DNAH9: variants seen among roughly 807,000 people sequenced by gnomAD.
DNAH9 encodes DNAH9 variant protein.
Under a neutral mutation model 471.6 loss-of-function variants are expected in DNAH9, and 345 were observed. The observed-to-expected ratio is 0.73, with a 90% CI of 0.67 to 0.80. The LOEUF (loss-of-function observed/expected upper bound fraction) is 0.80, where lower values mean the gene tolerates loss of function less well. Ranked by LOEUF, DNAH9 falls within the 30% of genes least tolerant of loss-of-function variation. DNAH9 has a pLI of 0.00. For synonymous variants in DNAH9, 2,093 were observed against 2,123.6 expected (o/e 0.99, Z 0.40); for missense variants, 5,407 against 5,609.2 (o/e 0.96, Z 1.15).
At chr17:11,672,190 A>G (rs762466885) in intron 17 of DNAH9, among the ~76,000 whole-genome samples, 26 of 152,096 alleles carry the variant, frequency 1.7e-4, no homozygotes, top group Non-Finnish European at 3.4e-4. Context: ...ACCCCCTTTT[A>G]TTACGTAAAT....
intron 60 of DNAH9, among the ~76,000 whole-genome samples, chr17:11,904,630 C>CAAAAAAAAAAAA (rs202059757): frequency 1.5e-4 from 17 of 111,460 alleles, no homozygotes; most frequent in Non-Finnish European, 1.8e-4. Flanking sequence ...GACTCCATCT[C>CAAAAAAAAAAAA]AAAAAAAAAA....
rs760609171 is a variant in DNAH9, at chr17:11,793,578, C to T, written c.8137C>T (p.Arg2713Ter). ...LIRLYLHESNRVYRDKMVEEK... is the reference protein window; with the variant it reads ...LIRLYLHESN ...AAGGCTCTATCTGCATGAATCAAAT[C>T]GAGTTTATCGGGATAAGATGGTAGA... The change falls in exon 42 of 69, where the codon CGA (arginine) becomes TGA (stop). Residue 2713 changes from arginine (R) to a stop codon, truncating the protein, a stop_gained. Transcript: ENST00000262442. LOFTEE classifies it high-confidence loss of function. The T allele has an allele frequency of 6.8e-6, 11 of 1,613,606 alleles. No individual in the cohort carries two copies. The highest frequency in any genetic ancestry group is 1.7e-5 in the Admixed American group (1 of 60,006).
rs1301828195 is a variant in DNAH9 at position 11,875,188 on chromosome 17, A to C, written c.10478+4A>C. ...TCACGCAGATTGGTCAGAAAGGGTA[A>C]GTGGTTGAGCACAGAAGTTCCCACT... is the stretch of plus-strand genomic sequence containing the variant. On this transcript the variant is annotated splice_donor_region_variant and intron_variant, in intron 53 of 68. Coordinates refer to ENST00000262442, the MANE Select transcript of DNAH9 (RefSeq NM_001372.4). 1 of 1,612,440 alleles carries C rather than the reference A, an allele frequency of 6.2e-7. No homozygotes were observed. The highest frequency in any genetic ancestry group is 8.5e-7 in the Non-Finnish European group (1 of 1,179,016).
intron 50 of DNAH9, among the ~76,000 whole-genome samples, chr17:11,864,512 G>A (rs1472020196): frequency 6.6e-6 from 1 of 150,998 alleles, no homozygotes; most frequent in Non-Finnish European, 1.5e-5. Flanking sequence ...ATTTGGGGTG[G>A]AGAGTTCTGT....
At chr17:11,853,928 A>G (rs1394108431) in intron 49 of DNAH9, 75 bp from the exon 50 acceptor site, 19 of 1,449,006 alleles carry the variant, frequency 1.3e-5, no homozygotes, top group African/African-American at 2.8e-5. Context: ...TCGCTCCACA[A>G]CCTAACTCCA....
chr17:11,692,439 G>A (rs2074350686), intron 20 of DNAH9, among the ~76,000 whole-genome samples: 1 of 152,194 alleles, frequency 6.6e-6, no homozygotes, highest in Non-Finnish European at 1.5e-5. Flanking sequence ...TACTGTGAGT[G>A]TGTATGTCTG....
At chr17:11,934,894 C>T (rs1239871376) in intron 65 of DNAH9, among the ~76,000 whole-genome samples, 1 of 152,204 alleles carries the variant, frequency 6.6e-6, no homozygotes, top group Non-Finnish European at 1.5e-5. Context: ...CCTCCCACTC[C>T]GTGTTGGTGG....
intron 59 of DNAH9, among the ~76,000 whole-genome samples, chr17:11,895,284 GT>G (rs1973185573): frequency 6.6e-6 from 1 of 152,198 alleles, no homozygotes; most frequent in Non-Finnish European, 1.5e-5. Flanking sequence ...TTGCTCCAGA[GT>G]CCAGGCCTGC....
intron 59 of DNAH9, among the ~76,000 whole-genome samples, chr17:11,897,776 C>T (rs944297252): frequency 6.6e-6 from 1 of 152,134 alleles, no homozygotes; most frequent in Non-Finnish European, 1.5e-5. Flanking sequence ...GTGTAAGACA[C>T]GGAGTAAATG....
intron 66 of DNAH9, among the ~76,000 whole-genome samples, chr17:11,941,249 C>T (rs1420814304): frequency 6.6e-6 from 1 of 152,120 alleles, no homozygotes; most frequent in Non-Finnish European, 1.5e-5. Context: ...AATGAACAGA[C>T]AAAAACAGAT....
At chr17:11,938,838 A>G (rs1567563774) in intron 66 of DNAH9, among the ~76,000 whole-genome samples, 3 of 152,066 alleles carry the variant, frequency 2.0e-5, no homozygotes, top group South Asian at 2.1e-4. Context: ...GGCTGAAGCA[A>G]TCCTCTCATT....
Position 11,962,190 on chromosome 17 carries a change from G to A in DNAH9, c.13167G>A (p.Arg4389=). Reference sequence around the variant, plus strand: ...CGAAGAAGAACAGAGAAGAGTTTAGGAGTCCTCCTCGGGAAGGGGCCTACA... The same window carrying A: ...CGAAGAAGAACAGAGAAGAGTTTAGAAGTCCTCCTCGGGAAGGGGCCTACA... The part of the protein sequence containing the change: ...DMTKKNREEF[R]SPPREGAYIH... The change falls in exon 68 of 69, where the codon AGG becomes AGA. Residue 4389 remains arginine (R), a synonymous_variant. Transcript: ENST00000262442. This position sits in a 1 kb window ranked among gnomAD's most constrained non-coding sequence, Gnocchi z 4.1. 1 of 1,614,126 alleles carries A rather than the reference G, an allele frequency of 6.2e-7. No homozygotes were observed. Among genetic ancestry groups the A allele is most frequent in the Non-Finnish European group, 8.5e-7 (1 of 1,180,022 alleles).
intron 26 of DNAH9, among the ~76,000 whole-genome samples, chr17:11,712,687 C>G (rs1462656224): frequency 6.6e-6 from 1 of 152,028 alleles, no homozygotes; most frequent in Non-Finnish European, 1.5e-5. Context: ...TGTTGAGCAA[C>G]TTTTCACATG....
At chr17:11,907,983 A>C (rs12451503) in intron 61 of DNAH9, among the ~76,000 whole-genome samples, 8 of 152,206 alleles carry the variant, frequency 5.3e-5, no homozygotes, top group Admixed American at 4.6e-4. Context: ...TTTAGCGTGC[A>C]CTGTGTTCTG....
At chr17:11,723,828 T>C (rs1452716790) in intron 27 of DNAH9, among the ~76,000 whole-genome samples, 1 of 151,914 alleles carries the variant, frequency 6.6e-6, no homozygotes, top group Non-Finnish European at 1.5e-5. Context: ...CCACCACGCC[T>C]GGCTAATTGG....
chr17:11,636,019 G>T (rs984062069), intron 8 of DNAH9, among the ~76,000 whole-genome samples: 1 of 148,604 alleles, frequency 6.7e-6, no homozygotes, highest in African/African-American at 2.5e-5. Context: ...GTTTTTTTTT[G>T]ACAGAGTCTC....
intron 41 of DNAH9, among the ~76,000 whole-genome samples, chr17:11,788,205 C>A (rs1042365160): frequency 6.6e-6 from 1 of 152,168 alleles, no homozygotes; most frequent in Non-Finnish European, 1.5e-5. Flanking sequence ...GGTCTGGACT[C>A]CTGGTTGTTG....
At chr17:11,710,113 A>G (rs2074803684) in intron 26 of DNAH9, among the ~76,000 whole-genome samples, 1 of 152,160 alleles carries the variant, frequency 6.6e-6, no homozygotes, top group African/African-American at 2.4e-5. Flanking sequence ...TAGAATGTTG[A>G]AAACTGAAAC....
chr17:11,823,714 G>A lies in DNAH9; in HGVS notation c.9246+680G>A, dbSNP rs1490525384. On this transcript the variant is annotated intron_variant, in intron 48 of 68. Coordinates refer to ENST00000262442, the MANE Select transcript of DNAH9 (RefSeq NM_001372.4). Reference sequence around the variant, plus strand: ...TGGGAGGTCGAGGCTGGTGGATCACGAGGTCAGGAGATCGAGACCATCCTG... The same window carrying A: ...TGGGAGGTCGAGGCTGGTGGATCACAAGGTCAGGAGATCGAGACCATCCTG... 5.3e-5 allele frequency among the ~76,000 whole-genome samples: 8 copies of A among 152,014 alleles called. No homozygotes were observed. The South Asian group carries it at 1.2e-3, about 24-fold the overall frequency.
Sources: gnomAD v4.1 joint callset for allele counts (sites outside exome capture counted in the v4.1 genomes callset) on GRCh38, gnomAD v4.1.1 for gene constraint, Gnocchi (gnomAD v3.1) non-coding constraint, MANE v1.5 for transcripts, NCBI Gene and HGNC (gene_info 2026-07-23, HGNC 2026-07-21) for gene names.